The following B3GALT1 variants were observed in gnomAD, a reference collection of about 807,000 sequenced individuals.
B3GALT1 encodes the protein beta-1,3-galactosyltransferase 1.
Under a neutral mutation model 23.2 loss-of-function variants are expected in B3GALT1, and 10 were observed. That is an observed-to-expected ratio of 0.43 (90% CI 0.27 to 0.73). B3GALT1 has a LOEUF of 0.73. Among genes scored for constraint, B3GALT1 ranks in the 30% least tolerant of loss-of-function variants. B3GALT1 has a pLI of 0.21. For missense variants in B3GALT1, 299 were observed against 405.4 expected, an observed-to-expected ratio of 0.74 and a Z score of 2.25; for synonymous variants, 156 against 141.5, an observed-to-expected ratio of 1.10 and a Z score of -0.73.
chr2:167,713,017 G>A (rs2105520046), intron 3 of B3GALT1, among the ~76,000 whole-genome samples: 1 of 152,306 alleles, frequency 6.6e-6, no homozygotes. Context: ...ATGAGTCTTT[G>A]GAGAAAGAGG....
chr2:167,738,465 G>A (rs1421225196), intron 3 of B3GALT1, among the ~76,000 whole-genome samples: 1 of 152,152 alleles, frequency 6.6e-6, no homozygotes, highest in Non-Finnish European at 1.5e-5. Flanking sequence ...CGTGAAGGTG[G>A]AATCAGTTTC....
intron 2 of B3GALT1, among the ~76,000 whole-genome samples, chr2:167,628,936 T>C (rs1269654359): frequency 1.3e-5 from 2 of 151,714 alleles, no homozygotes; most frequent in African/African-American, 2.4e-5. Flanking sequence ...GTTACTTGCA[T>C]AGGGCACATG....
intron 4 of B3GALT1, among the ~76,000 whole-genome samples, chr2:167,821,270 C>T (rs1574281035): frequency 6.6e-6 from 1 of 152,142 alleles, no homozygotes; most frequent in African/African-American, 2.4e-5. Flanking sequence ...TTATGGGACT[C>T]ATCATAGGCC....
intron 3 of B3GALT1, among the ~76,000 whole-genome samples, chr2:167,797,957 GC>G (rs1688571114): frequency 6.6e-6 from 1 of 152,110 alleles, no homozygotes; most frequent in East Asian, 1.9e-4. Context: ...ACCCGCCTTG[GC>G]CTCCCAAAAT....
intron 3 of B3GALT1, among the ~76,000 whole-genome samples, chr2:167,655,037 A>T (rs998779688): frequency 2.0e-5 from 3 of 152,170 alleles, no homozygotes; most frequent in African/African-American, 4.8e-5. Context: ...ATTCCATCAT[A>T]TAAATCTGGA....
intron 2 of B3GALT1, among the ~76,000 whole-genome samples, chr2:167,631,993 G>A (rs1056251638): frequency 1.9e-4 from 29 of 151,220 alleles, no homozygotes; most frequent in African/African-American, 6.1e-4. Context: ...CCTACCCTGT[G>A]TCCATGTGTT....
At chr2:167,829,486 GAA>G (rs1209412829) in intron 4 of B3GALT1, among the ~76,000 whole-genome samples, 1 of 123,778 alleles carries the variant, frequency 8.1e-6, no homozygotes. Context: ...CCATCTCAAG[GAA>G]AAAAAAAAAG....
intron 3 of B3GALT1, among the ~76,000 whole-genome samples, chr2:167,679,962 A>T (rs1290714177): frequency 2.6e-5 from 4 of 152,194 alleles, no homozygotes; most frequent in African/African-American, 9.7e-5. Context: ...TGATAGAATG[A>T]GTTATCTGAT....
At chr2:167,594,614 A>AT (rs1684744607) in intron 2 of B3GALT1, among the ~76,000 whole-genome samples, 1 of 152,158 alleles carries the variant, frequency 6.6e-6, no homozygotes, top group African/African-American at 2.4e-5. Context: ...ACAAATGTGT[A>AT]TAAAAACTTG....
At chr2:167,788,699 G>A (rs1558979406) in intron 3 of B3GALT1, among the ~76,000 whole-genome samples, 1 of 152,042 alleles carries the variant, frequency 6.6e-6, no homozygotes, top group Non-Finnish European at 1.5e-5. Context: ...ACCGGTACCA[G>A]TCTGTGGCCC....
chr2:167,296,440 C>G (rs1042138138), intron 1 of B3GALT1, among the ~76,000 whole-genome samples: 1 of 152,134 alleles, frequency 6.6e-6, no homozygotes, highest in African/African-American at 2.4e-5. Context: ...GTTAGTAAAT[C>G]AGAAGTTCAT....
chr2:167,327,159 C>T (rs1260833858), intron 1 of B3GALT1, among the ~76,000 whole-genome samples: 3 of 152,012 alleles, frequency 2.0e-5, no homozygotes, highest in Admixed American at 1.3e-4. Flanking sequence ...GTTTACTATA[C>T]CTTGTAATAT....
chr2:167,869,825 C>T lies in B3GALT1; in HGVS notation c.786C>T (p.His262=). The T allele has an allele frequency of 6.2e-7, 1 of 1,614,110 alleles. No individual in the cohort carries two copies. Among genetic ancestry groups the T allele is most frequent in the Non-Finnish European group, 8.5e-7 (1 of 1,180,002 alleles). ...CCTCACTCCACACAAGGCTGCTTCA[C>T]CTTGAAGACGTATATGTGGGACTGT... ...YKTSLHTRLL[H]LEDVYVGLCL... The change falls in exon 5 of 5, where the codon CAC becomes CAT. Residue 262 remains histidine (H), a synonymous_variant. Transcript: ENST00000392690. This position sits in a 1 kb window ranked among gnomAD's most constrained non-coding sequence, Gnocchi z 6.4.
intron 1 of B3GALT1, among the ~76,000 whole-genome samples, chr2:167,383,491 C>T (rs903601281): frequency 3.9e-5 from 6 of 152,100 alleles, no homozygotes; most frequent in Non-Finnish European, 1.5e-5. Flanking sequence ...CACTGACCTT[C>T]CTGAGCTCTA....
intron 2 of B3GALT1, among the ~76,000 whole-genome samples, chr2:167,569,435 G>C (rs977697088): frequency 3.3e-5 from 5 of 151,702 alleles, no homozygotes; most frequent in Admixed American, 3.3e-4. Context: ...TTGTACCCAA[G>C]TATTTCATTT....
intron 2 of B3GALT1, among the ~76,000 whole-genome samples, chr2:167,516,115 A>G (rs1450669430): frequency 6.6e-6 from 1 of 152,032 alleles, no homozygotes; most frequent in Non-Finnish European, 1.5e-5. Flanking sequence ...CACCACCGCA[A>G]TTTAACTGGC....
chr2:167,564,304 TG>T (rs1293933986), intron 2 of B3GALT1, among the ~76,000 whole-genome samples: 1 of 140,862 alleles, frequency 7.1e-6, no homozygotes, highest in Non-Finnish European at 1.5e-5. Context: ...CCAGATGTGA[TG>T]GCGGCCGGGA....
At chr2:167,527,618 G>A (rs1483874415) in intron 2 of B3GALT1, among the ~76,000 whole-genome samples, 2 of 151,962 alleles carry the variant, frequency 1.3e-5, no homozygotes, top group Non-Finnish European at 2.9e-5. Flanking sequence ...TTTCAAACTT[G>A]TGTATTCATC....
At chr2:167,667,854 T>G (rs1215597436) in intron 3 of B3GALT1, among the ~76,000 whole-genome samples, 2 of 152,214 alleles carry the variant, frequency 1.3e-5, no homozygotes, top group Non-Finnish European at 2.9e-5. Flanking sequence ...TTCTTCTAAA[T>G]TTTTTTGAAA....
Sources: allele counts gnomAD v4.1 joint callset (sites outside exome capture counted in the v4.1 genomes callset), GRCh38; gene constraint gnomAD v4.1.1; non-coding constraint Gnocchi (gnomAD v3.1); transcripts MANE v1.5; gene names NCBI Gene and HGNC (gene_info 2026-07-23, HGNC 2026-07-21).